Variants in ADGRL2 observed in about 807,000 individuals in gnomAD.
ADGRL2 encodes calcium-independent alpha-latrotoxin receptor 2.
In ADGRL2, 44 loss-of-function variants were observed where a neutral mutation model predicts 157.4. That is an observed-to-expected ratio of 0.28 (90% CI 0.22 to 0.36). The LOEUF is 0.36. Among genes scored for constraint, ADGRL2 ranks in the 10% least tolerant of loss-of-function variants. The pLI is 1.00. For synonymous variants in ADGRL2, 585 were observed against 624.7 expected (o/e 0.94, Z 0.95); for missense variants, 1,510 against 1,768.9 (o/e 0.85, Z 2.63).
intron 1 of ADGRL2, chr1:81,721,677 C>G: frequency 8.7e-7 from 1 of 1,147,726 alleles, no homozygotes; most frequent in South Asian, 1.2e-5. Context: ...TCAGCTTCGC[C>G]CACTGCTTCC....
chr1:81,758,437 C>T (rs1486267987), intron 1 of ADGRL2, among the ~76,000 whole-genome samples: 1 of 152,106 alleles, frequency 6.6e-6, no homozygotes, highest in Admixed American at 6.6e-5. Context: ...TTATATGTCT[C>T]CTTGGAGGTT....
intron 11 of ADGRL2, among the ~76,000 whole-genome samples, chr1:81,957,140 C>T (rs1653757750): frequency 6.6e-6 from 1 of 150,714 alleles, no homozygotes; most frequent in Non-Finnish European, 1.5e-5. Context: ...ACCGAAGTGG[C>T]ATATTATGAC....
intron 3 of ADGRL2, among the ~76,000 whole-genome samples, chr1:81,639,591 A>C (rs956512478): frequency 1.4e-5 from 2 of 146,742 alleles, no homozygotes; most frequent in Non-Finnish European, 3.1e-5. Context: ...CACTAACATT[A>C]ATCAAAAGAA....
chr1:81,317,331 A>G (rs1660172601), intron 1 of ADGRL2, among the ~76,000 whole-genome samples: 1 of 152,088 alleles, frequency 6.6e-6, no homozygotes, highest in African/African-American at 2.4e-5. Flanking sequence ...ACATAATCCC[A>G]TACTGCATCT....
At chr1:81,813,060 A>G (rs1277499356) in intron 1 of ADGRL2, among the ~76,000 whole-genome samples, 3 of 151,602 alleles carry the variant, frequency 2.0e-5, no homozygotes, top group Non-Finnish European at 4.4e-5. Context: ...AGGCATTTGG[A>G]TATTTTTTAG....
chr1:81,782,458 A>G (rs1364974094), intron 2 of ADGRL2, among the ~76,000 whole-genome samples: 5 of 152,344 alleles, frequency 3.3e-5, no homozygotes, highest in Non-Finnish European at 5.9e-5. Context: ...AAAATTAATT[A>G]TAAACTATTT....
At chr1:81,539,815 T>TAAAA (rs11297905) in intron 2 of ADGRL2, among the ~76,000 whole-genome samples, 1 of 143,698 alleles carries the variant, frequency 7.0e-6, no homozygotes, top group African/African-American at 2.5e-5. Context: ...GGGAAAAGAT[T>TAAAA]AAAAAAAAAA....
intron 10 of ADGRL2, 159 bp from the exon 11 acceptor site, chr1:81,955,717 TA>T: frequency 2.1e-6 from 1 of 468,836 alleles, no homozygotes; most frequent in Non-Finnish European, 3.8e-6. Flanking sequence ...AGTTATATTT[TA>T]AAATGGACCA....
rs201399955 is a variant in ADGRL2 at position 81,903,715 on chromosome 1, T to TTATATATA, written c.74-3295_74-3288dup. 8.8e-3 allele frequency among the ~76,000 whole-genome samples: 1,282 copies of TTATATATA among 145,148 alleles called. 21 individuals carry two copies. Among genetic ancestry groups the TTATATATA allele is most frequent in the African/African-American group, 0.031 (1,229 of 39,752 alleles). On this transcript the variant is annotated intron_variant, in intron 2 of 23. Coordinates refer to ENST00000686636, the MANE Select transcript of ADGRL2 (RefSeq NM_001366006.2). Reference sequence around the variant, plus strand: ...TTTTTAAAGAATATATATATATTCATTATATATATATATACATTATATATA... The same window carrying TTATATATA: ...TTTTTAAAGAATATATATATATTCATTATATATATATATATATATATACATTATATATA...
intron 3 of ADGRL2, among the ~76,000 whole-genome samples, chr1:81,685,932 T>A (rs911714973): frequency 7.9e-5 from 12 of 152,224 alleles, no homozygotes; most frequent in Non-Finnish European, 1.6e-4. Context: ...ATGTGGCATA[T>A]CACATTTATT....
chr1:81,691,509 T>A (rs2083332721), intron 3 of ADGRL2, among the ~76,000 whole-genome samples: 1 of 152,246 alleles, frequency 6.6e-6, no homozygotes, highest in Non-Finnish European at 1.5e-5. Flanking sequence ...TTAGGACTTT[T>A]TTTTTTGAGA....
At chr1:81,763,664 C>T (rs768869270) in intron 2 of ADGRL2, among the ~76,000 whole-genome samples, 1 of 151,348 alleles carries the variant, frequency 6.6e-6, no homozygotes, top group Non-Finnish European at 1.5e-5. Context: ...GTGAGCAGAT[C>T]ACAAGTTCAG....
At chr1:81,367,740 T>G (rs561160397) in intron 1 of ADGRL2, among the ~76,000 whole-genome samples, 9 of 152,070 alleles carry the variant, frequency 5.9e-5, no homozygotes. Flanking sequence ...TTAGTAGAGA[T>G]GGAGTTTCAC....
intron 3 of ADGRL2, among the ~76,000 whole-genome samples, chr1:81,583,612 G>T (rs1170670088): frequency 6.8e-6 from 1 of 146,604 alleles, no homozygotes; most frequent in Non-Finnish European, 1.5e-5. Context: ...AAGATATTTT[G>T]TTGGTGGTAA....
chr1:81,980,669 T>G, intron 18 of ADGRL2: 1 of 465,966 alleles, frequency 2.1e-6, no homozygotes, highest in Non-Finnish European at 4.0e-6. Context: ...AAATTTTTTT[T>G]TAATTAGATG....
chr1:81,792,449 C>T (rs1292695345), intron 2 of ADGRL2, among the ~76,000 whole-genome samples: 1 of 151,988 alleles, frequency 6.6e-6, no homozygotes, highest in Non-Finnish European at 1.5e-5. Context: ...TAGATGCAGA[C>T]ATATACATAT....
intron 3 of ADGRL2, among the ~76,000 whole-genome samples, chr1:81,917,044 G>T (rs2094873936): frequency 1.3e-5 from 2 of 151,672 alleles, no homozygotes; most frequent in Non-Finnish European, 2.9e-5. Context: ...TGTTGCCCAG[G>T]CAGATCTTGA....
intron 2 of ADGRL2, among the ~76,000 whole-genome samples, chr1:81,890,582 T>G (rs968281395): frequency 6.6e-6 from 1 of 151,598 alleles, no homozygotes; most frequent in Non-Finnish European, 1.5e-5. Flanking sequence ...TTGGGAGAGG[T>G]GGGGATTAGG....
intron 3 of ADGRL2, among the ~76,000 whole-genome samples, chr1:81,918,076 A>T (rs1463204216): frequency 6.6e-6 from 1 of 152,176 alleles, no homozygotes; most frequent in African/African-American, 2.4e-5. Flanking sequence ...GCATTTAGAG[A>T]TGCAGTTAGA....
Sources: gnomAD v4.1 joint callset for allele counts (sites outside exome capture counted in the v4.1 genomes callset) on GRCh38, gnomAD v4.1.1 for gene constraint, MANE v1.5 for transcripts, NCBI Gene and HGNC (gene_info 2026-07-23, HGNC 2026-07-21) for gene names.